KCNU1: variants seen among roughly 807,000 people sequenced by gnomAD.
KCNU1 encodes potassium channel subfamily U member 1.
Under a neutral mutation model 126.8 loss-of-function variants are expected in KCNU1, and 93 were observed. The ratio of observed to expected loss-of-function variants is 0.73; its 90% CI spans 0.62 to 0.87. KCNU1 has a LOEUF of 0.87. KCNU1 is among the 40% of genes least tolerant of loss of function. The probability of loss-of-function intolerance (pLI) is 0.00; values close to 1 mark genes in which losing one functional copy is unlikely to be tolerated. For synonymous variants in KCNU1, 523 were observed against 494.2 expected (o/e 1.06, Z -0.77); for missense variants, 1,330 against 1,367.1 (o/e 0.97, Z 0.43).
At chr8:36,889,142 G>T in intron 19 of KCNU1, 1 of 533,958 alleles carries the variant, frequency 1.9e-6, no homozygotes, top group Non-Finnish European at 3.8e-6. Context: ...GCCTTCCAAA[G>T]TGCTTGGATT....
At chr8:36,874,114 T>A (rs571551369) in intron 19 of KCNU1, among the ~76,000 whole-genome samples, 1 of 152,114 alleles carries the variant, frequency 6.6e-6, no homozygotes, top group African/African-American at 2.4e-5. Flanking sequence ...GGAACAGATA[T>A]TTTACTTATT....
chr8:36,853,351 A>C (rs909621135), intron 18 of KCNU1, among the ~76,000 whole-genome samples: 1 of 152,218 alleles, frequency 6.6e-6, no homozygotes, highest in Non-Finnish European at 1.5e-5. Flanking sequence ...CTTCTCTCAA[A>C]AAATAAATAA....
chr8:36,925,582 A>G (rs1212246636), intron 24 of KCNU1, among the ~76,000 whole-genome samples: 1 of 152,124 alleles, frequency 6.6e-6, no homozygotes, highest in African/African-American at 2.4e-5. Context: ...TACTGGTTCT[A>G]TGTGCCCTTA....
chr8:36,786,970 C>T (rs1802731150), intron 1 of KCNU1, among the ~76,000 whole-genome samples: 1 of 152,110 alleles, frequency 6.6e-6, no homozygotes, highest in Admixed American at 6.5e-5. Flanking sequence ...AACTGCTACA[C>T]TTATACCCAG....
chr8:36,884,563 A>G (rs866052329), intron 19 of KCNU1, among the ~76,000 whole-genome samples: 27 of 151,874 alleles, frequency 1.8e-4, no homozygotes, highest in African/African-American at 5.8e-4. Context: ...TGGTGAAACC[A>G]TGTCTCTACT....
chr8:36,818,552 A>T (rs139483356), intron 10 of KCNU1, among the ~76,000 whole-genome samples: 1 of 152,180 alleles, frequency 6.6e-6, no homozygotes, highest in Admixed American at 6.5e-5. Context: ...CAGTCAGCTC[A>T]TTCTTTTAGT....
rs1414027207 is a variant in KCNU1 at position 36,856,170 on chromosome 8, T to C, written c.1892-8234T>C. ...TTTCTTTAGGGAGATATTGTCATCA[T>C]GCTTTTATTTCTTTAATCAGGATTT... is the stretch of plus-strand genomic sequence containing the variant. On this transcript the variant is annotated intron_variant, in intron 18 of 26. Transcript: ENST00000399881. Among the ~76,000 whole-genome samples the C allele has an allele frequency of 2.0e-5, 3 of 152,352 alleles. No individual in the cohort carries two copies. The East Asian group carries it at 5.8e-4, about 29-fold the overall frequency.
chr8:36,838,040 A>G (rs1245918624), intron 14 of KCNU1, among the ~76,000 whole-genome samples: 1 of 152,230 alleles, frequency 6.6e-6, no homozygotes, highest in Non-Finnish European at 1.5e-5. Context: ...AACAAACGGA[A>G]TGCTTCTGTA....
At position 36,911,004 on chromosome 8, in the gene KCNU1, C is replaced by A. The variant is rs777329569; in HGVS notation, c.2406C>A (p.Pro802=). 31 of 1,613,582 alleles carry A rather than the reference C, an allele frequency of 1.9e-5. No individual in the cohort carries two copies. In the East Asian group the frequency reaches 6.9e-4, roughly 36 times the overall value. The part of the protein sequence containing the change: ...EQCSMCAVLS[P]PPQPSSNQTL... ...GCTCCATGTGTGCTGTCTTGTCCCC[C>A]CCACCCCAGCCATCAAGCAACCAGA... The change falls in exon 22 of 27, where the codon CCC becomes CCA. Residue 802 remains proline (P), a synonymous_variant. Coordinates refer to ENST00000399881, the MANE Select transcript of KCNU1 (RefSeq NM_001031836.3).
chr8:36,929,786 C>T (rs989954911), intron 24 of KCNU1, among the ~76,000 whole-genome samples: 3 of 152,028 alleles, frequency 2.0e-5, no homozygotes, highest in Middle Eastern at 3.2e-3. Flanking sequence ...TTGAAGGCCA[C>T]GGTGGAGACA....
chr8:36,789,622 T>TTACA (rs1802834994), intron 2 of KCNU1, among the ~76,000 whole-genome samples: 1 of 152,034 alleles, frequency 6.6e-6, no homozygotes, highest in Admixed American at 6.6e-5. Context: ...GATACGAAAA[T>TTACA]TACATACATA....
chr8:36,840,995 T>C lies in KCNU1; in HGVS notation c.1695T>C (p.Asp565=), dbSNP rs1399572044. 2 of 1,589,664 alleles carry C rather than the reference T, an allele frequency of 1.3e-6. No homozygotes were observed. The highest frequency in any genetic ancestry group is 2.2e-5 in the South Asian group (2 of 90,656). ...TCGAATACAAGTCCCTCTTTACGGA[T>C]GGTTTCTGGTACCAATAAGTCTGCT... ...IAIEYKSLFT[D]GFCGLILNPP... is the part of the protein sequence containing the mutation. The change falls in exon 16 of 27, where the codon GAT becomes GAC. Residue 565 remains aspartate (D), a synonymous_variant. Coordinates refer to ENST00000399881, the MANE Select transcript of KCNU1 (RefSeq NM_001031836.3).
chr8:36,809,188 G>C (rs1238411746), intron 7 of KCNU1, among the ~76,000 whole-genome samples: 1 of 152,166 alleles, frequency 6.6e-6, no homozygotes, highest in Non-Finnish European at 1.5e-5. Context: ...AGGATTTACT[G>C]TTGCAAAGGG....
At chr8:36,829,506 G>A (rs1464984357) in intron 10 of KCNU1, among the ~76,000 whole-genome samples, 2 of 151,612 alleles carry the variant, frequency 1.3e-5, no homozygotes, top group African/African-American at 4.8e-5. Flanking sequence ...TAATACTACA[G>A]TCTTTTAATT....
At chr8:36,789,241 A>T (rs1171094703) in intron 2 of KCNU1, among the ~76,000 whole-genome samples, 1 of 152,102 alleles carries the variant, frequency 6.6e-6, no homozygotes, top group East Asian at 1.9e-4. Context: ...CTGTGGTCCC[A>T]CCTACTCAGG....
intron 16 of KCNU1, among the ~76,000 whole-genome samples, chr8:36,842,989 T>C (rs777431935): frequency 3.3e-5 from 5 of 152,164 alleles, no homozygotes; most frequent in East Asian, 1.9e-4. Context: ...TAAAGACTTA[T>C]AGATTCCAAA....
At chr8:36,919,514 G>A (rs1427373120) in intron 23 of KCNU1, among the ~76,000 whole-genome samples, 3 of 151,520 alleles carry the variant, frequency 2.0e-5, no homozygotes, top group Middle Eastern at 3.2e-3. Context: ...CCCTAGGCAC[G>A]AGGAGCTGTG....
Position 36,911,815 on chromosome 8 carries a change from A to G in KCNU1, c.2521+696A>G, listed in dbSNP as rs537387023. Among the ~76,000 whole-genome samples the G allele has an allele frequency of 3.9e-5, 6 of 152,284 alleles. 1 individual carries two copies. In the South Asian group the frequency reaches 1.2e-3, roughly 32 times the overall value. ...TGAATTGCAGCAAATGAGCTGTGAC[A>G]CCTGAGGAGCTTCCACACATTTCTC... On this transcript the variant is annotated intron_variant, in intron 22 of 26. Coordinates refer to ENST00000399881, the MANE Select transcript of KCNU1 (RefSeq NM_001031836.3).
intron 10 of KCNU1, among the ~76,000 whole-genome samples, chr8:36,832,337 A>C (rs918536553): frequency 6.6e-6 from 1 of 152,206 alleles, no homozygotes; most frequent in African/African-American, 2.4e-5. Flanking sequence ...TTGAATCTGT[A>C]AATTACCTTG....
Sources: gnomAD v4.1 joint callset for allele counts (sites outside exome capture counted in the v4.1 genomes callset) on GRCh38, gnomAD v4.1.1 for gene constraint, MANE v1.5 for transcripts, NCBI Gene and HGNC (gene_info 2026-07-23, HGNC 2026-07-21) for gene names.